WWOX: variants seen among roughly 807,000 people sequenced by gnomAD.
The protein encoded by WWOX is WW domain-containing oxidoreductase.
WWOX carries 69 observed loss-of-function variants against 46.2 expected under a neutral mutation model. That is an observed-to-expected ratio of 1.49 (90% CI 1.23 to 1.82). WWOX has a LOEUF of 1.82. WWOX is among the 40% of genes most tolerant of loss of function. The probability of loss-of-function intolerance (pLI) is 0.00; values close to 1 mark genes in which losing one functional copy is unlikely to be tolerated. For missense variants in WWOX, 919 were observed against 542.6 expected, an observed-to-expected ratio of 1.69 and a Z score of -6.89; for synonymous variants, 359 against 202.6, an observed-to-expected ratio of 1.77 and a Z score of -6.56.
At chr16:78,305,513 C>T (rs1046941648) in intron 5 of WWOX, among the ~76,000 whole-genome samples, 1 of 152,112 alleles carries the variant, frequency 6.6e-6, no homozygotes, top group Non-Finnish European at 1.5e-5. Flanking sequence ...CCTGAGTTCC[C>T]TCTGGAAGTT....
At chr16:78,917,067 T>C (rs972698427) in intron 8 of WWOX, among the ~76,000 whole-genome samples, 3 of 152,314 alleles carry the variant, frequency 2.0e-5, no homozygotes, top group African/African-American at 7.2e-5. Flanking sequence ...ACCACATCTT[T>C]CCAGATTCAA....
At chr16:78,607,461 T>C (rs946404933) in intron 8 of WWOX, among the ~76,000 whole-genome samples, 13 of 152,150 alleles carry the variant, frequency 8.5e-5, no homozygotes, top group African/African-American at 3.1e-4. Context: ...GTTTCAAAAA[T>C]CTTTCAAAAA....
chr16:78,510,991 A>G (rs2085347332), intron 8 of WWOX, among the ~76,000 whole-genome samples: 1 of 152,118 alleles, frequency 6.6e-6, no homozygotes, highest in Non-Finnish European at 1.5e-5. Flanking sequence ...ACATGTGCCT[A>G]CCCCACGTGT....
chr16:78,791,295 G>C (rs933690762), intron 8 of WWOX, among the ~76,000 whole-genome samples: 11 of 152,136 alleles, frequency 7.2e-5, no homozygotes, highest in African/African-American at 2.2e-4. Context: ...TGTGTGTCTG[G>C]TGATGTGCTG....
intron 5 of WWOX, among the ~76,000 whole-genome samples, chr16:78,371,228 A>G (rs915344264): frequency 2.6e-5 from 4 of 152,102 alleles, no homozygotes; most frequent in Non-Finnish European, 5.9e-5. Flanking sequence ...ACTGTACTAA[A>G]ATTTTCTTGT....
At chr16:78,877,545 C>G (rs1027665415) in intron 8 of WWOX, among the ~76,000 whole-genome samples, 7 of 152,238 alleles carry the variant, frequency 4.6e-5, no homozygotes, top group African/African-American at 1.7e-4. Context: ...GCCTTGCACC[C>G]TCTCTTCCTT....
chr16:78,743,438 A>G (rs1344138267), intron 8 of WWOX, among the ~76,000 whole-genome samples: 1 of 151,972 alleles, frequency 6.6e-6, no homozygotes, highest in East Asian at 1.9e-4. Flanking sequence ...TTCGGTGTCT[A>G]CCCTCAAGAA....
intron 3 of WWOX, among the ~76,000 whole-genome samples, chr16:78,110,615 T>G (rs559935916): frequency 1.3e-5 from 2 of 152,312 alleles, no homozygotes; most frequent in African/African-American, 4.8e-5. Flanking sequence ...ACCTCTCTGA[T>G]TCTGTCTTTA....
intron 5 of WWOX, chr16:78,278,831 A>G (rs1003822489): frequency 1.7e-5 from 11 of 648,216 alleles, no homozygotes; most frequent in Non-Finnish European, 2.9e-5. Flanking sequence ...GTTTGCAGTT[A>G]TGCTTTACGA....
intron 8 of WWOX, among the ~76,000 whole-genome samples, chr16:79,047,672 A>ATTTTTTTTTTTTTTTTT: frequency 1.9e-5 from 1 of 53,522 alleles, no homozygotes; most frequent in Non-Finnish European, 3.5e-5. Context: ...GACTGTCCTG[A>ATTTTTTTTTTTTTTTTT]TTTTTTTTTT....
At chr16:78,988,892 G>C (rs548491879) in intron 8 of WWOX, among the ~76,000 whole-genome samples, 1 of 152,170 alleles carries the variant, frequency 6.6e-6, no homozygotes, top group Non-Finnish European at 1.5e-5. Context: ...GCTCTGGTGG[G>C]CAGTCAGGCA....
chr16:78,346,407 T>TA (rs1305535500), intron 5 of WWOX, among the ~76,000 whole-genome samples: 3 of 90,012 alleles, frequency 3.3e-5, no homozygotes, highest in African/African-American at 1.2e-4. Context: ...TCTTGGGGGA[T>TA]AATACTCTGG....
intron 8 of WWOX, among the ~76,000 whole-genome samples, chr16:78,952,589 G>A (rs973561473): frequency 3.3e-5 from 5 of 151,960 alleles, no homozygotes; most frequent in Non-Finnish European, 7.4e-5. Flanking sequence ...CTGCCATGTT[G>A]GCCAGCCTGG....
intron 8 of WWOX, among the ~76,000 whole-genome samples, chr16:78,915,836 C>T (rs1410612360): frequency 6.6e-6 from 1 of 152,130 alleles, no homozygotes; most frequent in Non-Finnish European, 1.5e-5. Context: ...AATTTTTAAT[C>T]TTGATCACCA....
intron 8 of WWOX, among the ~76,000 whole-genome samples, chr16:78,813,407 G>T (rs2051246672): frequency 6.6e-6 from 1 of 152,030 alleles, no homozygotes. Flanking sequence ...TTTGTCAGGT[G>T]GTTACCAGAA....
chr16:78,175,463 G>C (rs544335075), intron 5 of WWOX, among the ~76,000 whole-genome samples: 1 of 152,194 alleles, frequency 6.6e-6, no homozygotes, highest in Non-Finnish European at 1.5e-5. Context: ...AAATGGCCGG[G>C]TATGACTCCT....
intron 8 of WWOX, among the ~76,000 whole-genome samples, chr16:78,653,931 G>A (rs920502385): frequency 1.3e-5 from 2 of 152,172 alleles, no homozygotes; most frequent in Non-Finnish European, 1.5e-5. Flanking sequence ...CTGAGCAAAC[G>A]TCTTCACATT....
chr16:78,423,516 C>G (rs1267822996), intron 6 of WWOX, among the ~76,000 whole-genome samples: 1 of 152,072 alleles, frequency 6.6e-6, no homozygotes, highest in Non-Finnish European at 1.5e-5. Flanking sequence ...TATACAATTA[C>G]TTTCTGAGAA....
At chr16:79,001,318 A>T (rs1350527795) in intron 8 of WWOX, among the ~76,000 whole-genome samples, 1 of 150,440 alleles carries the variant, frequency 6.6e-6, no homozygotes, top group African/African-American at 2.5e-5. Context: ...CCCTCCCCCT[A>T]TTCTCAGCAG....
Sources: gnomAD v4.1 joint callset for allele counts (sites outside exome capture counted in the v4.1 genomes callset) on GRCh38, gnomAD v4.1.1 for gene constraint, MANE v1.5 for transcripts, NCBI Gene and HGNC (gene_info 2026-07-23, HGNC 2026-07-21) for gene names.